TMF1: variants seen among roughly 807,000 people sequenced by gnomAD.
The protein encoded by TMF1 is TATA element modulatory factor 1, also known as TATA element modulatory factor.
In TMF1, 71 loss-of-function variants were observed where a neutral mutation model predicts 126.5. The observed-to-expected ratio is 0.56, with a 90% CI of 0.46 to 0.68. The LOEUF is 0.68. Among genes scored for constraint, TMF1 ranks in the 30% least tolerant of loss-of-function variants. The probability of loss-of-function intolerance (pLI) is 0.00; values close to 1 mark genes in which losing one functional copy is unlikely to be tolerated. For synonymous variants in TMF1, 461 were observed against 430.5 expected (o/e 1.07, Z -0.88); for missense variants, 1,259 against 1,253.2 (o/e 1.00, Z -0.07).
At chr3:69,051,817 G>T in intron 1 of TMF1, 128 bp downstream of exon 1, 2 of 1,153,226 alleles carry the variant, frequency 1.7e-6, no homozygotes, top group Non-Finnish European at 2.4e-6. Flanking sequence ...TAGGGAACGG[G>T]CCGGGGAGAA....
chr3:69,023,323 G>A lies in TMF1; in HGVS notation c.3139-3C>T, dbSNP rs752126049. The A allele has an allele frequency of 1.2e-6, 2 of 1,601,734 alleles. No homozygotes were observed. Among genetic ancestry groups the A allele is most frequent in the South Asian group, 2.3e-5 (2 of 88,544 alleles). ...GTGTTGTACCTTTGATCCAAATCCTGAAAAATGTATTTGTTTACAATTTTT... is the reference window on the plus strand; with the variant it reads ...GTGTTGTACCTTTGATCCAAATCCTAAAAAATGTATTTGTTTACAATTTTT... On this transcript the variant is annotated splice_polypyrimidine_tract_variant and splice_region_variant and intron_variant, in intron 16 of 16. Coordinates refer to ENST00000398559, the MANE Select transcript of TMF1 (RefSeq NM_007114.3).
chr3:69,021,148 C>G lies in TMF1; in HGVS notation c.*2029G>C, dbSNP rs960282486. 2 of 152,278 alleles carry G rather than the reference C, an allele frequency of 1.3e-5. No homozygotes were observed. The highest frequency in any genetic ancestry group is 4.8e-5 in the African/African-American group (2 of 41,432). 9.4% of individuals were successfully genotyped at this position (152,278 alleles called of 1,614,324 possible). A position where few individuals can be genotyped will look rare whatever the true frequency, so the allele number is the denominator to read the frequency against. ...TATCACATTTACATCACTTTTATTA[C>G]AGTGCACTGTTATAATTGTTCTATT... On this transcript the variant is annotated 3_prime_UTR_variant, in exon 17 of 17. Transcript: ENST00000398559.
intron 8 of TMF1, among the ~76,000 whole-genome samples, chr3:69,037,164 G>A (rs929940516): frequency 1.3e-5 from 2 of 152,170 alleles, no homozygotes; most frequent in African/African-American, 4.8e-5. Context: ...TGGCCAATAA[G>A]CAAATGAAAA....
chr3:69,042,637 C>G, intron 5 of TMF1, 170 bp downstream of exon 5: 1 of 704,366 alleles, frequency 1.4e-6, no homozygotes, highest in Non-Finnish European at 2.6e-6. Flanking sequence ...ATCTCTGTCT[C>G]AATATATCTT....
At chr3:69,028,657 T>G (rs558102752) in intron 11 of TMF1, among the ~76,000 whole-genome samples, 1 of 152,298 alleles carries the variant, frequency 6.6e-6, no homozygotes, top group South Asian at 2.1e-4. Flanking sequence ...TTCAGATATT[T>G]TACTTTAGAA....
chr3:69,024,327 TA>T (rs2091755044), intron 15 of TMF1, 147 bp from the exon 16 acceptor site: 2 of 657,574 alleles, frequency 3.0e-6, no homozygotes, highest in Non-Finnish European at 4.6e-6. Flanking sequence ...AGCTCTTTCT[TA>T]AGTAAAGGAA....
rs764282741 is a variant in TMF1, at chr3:69,039,013, T to C, written c.1828-4A>G. ...CCTCTTCTTTGCCATCAAGGACCTA[T>C]ATGTTATAAAAACAGACAAAAGTAT... On this transcript the variant is annotated splice_polypyrimidine_tract_variant and splice_region_variant and intron_variant, in intron 6 of 16. Transcript: ENST00000398559. 1.2e-5 allele frequency: 18 copies of C among 1,541,810 alleles called. No homozygotes were observed. In the African/African-American group the frequency reaches 1.7e-4, roughly 14 times the overall value.
chr3:69,040,817 G>A (rs932637379), intron 5 of TMF1, among the ~76,000 whole-genome samples: 1 of 151,968 alleles, frequency 6.6e-6, no homozygotes, highest in Non-Finnish European at 1.5e-5. Context: ...AGCTATTCGG[G>A]AGGCTGAGGC....
In TMF1 at chr3:69,025,615, A is replaced by G. The variant is rs1289466000; in HGVS notation, c.2957T>C (p.Ile986Thr). 4 of 1,614,064 alleles carry G rather than the reference A, an allele frequency of 2.5e-6. No homozygotes were observed. Among genetic ancestry groups the G allele is most frequent in the Admixed American group, 3.3e-5 (2 of 60,008 alleles). Residue 986 changes from isoleucine (I) to threonine (T), a missense_variant, in exon 15 of 17, where the codon ATT (isoleucine) becomes ACT (threonine). Ile to Thr is a moderately conservative substitution (Grantham distance 89). Coordinates refer to ENST00000398559, the MANE Select transcript of TMF1 (RefSeq NM_007114.3). The stretch of plus-strand genomic sequence containing the variant: ...CTTTAGCTGAGACTGTAGGTTTTCA[A>G]TTATGCTTGATCCTGCTCCCATCCT... ...AVRMGAGSSIIENLQSQLKLR... is the reference protein window; with the variant it reads ...AVRMGAGSSITENLQSQLKLR...
intron 8 of TMF1, among the ~76,000 whole-genome samples, chr3:69,036,716 CA>C (rs2091833323): frequency 6.6e-6 from 1 of 152,068 alleles, no homozygotes; most frequent in Non-Finnish European, 1.5e-5. Context: ...AAAATTAAAT[CA>C]AAAGGGCATA....
At chr3:69,039,790 T>C in intron 5 of TMF1, 97 bp from the exon 6 acceptor site, 1 of 1,375,086 alleles carries the variant, frequency 7.3e-7, no homozygotes, top group African/African-American at 1.5e-5. Flanking sequence ...GAACAGAATT[T>C]TTTTAAATTA....
chr3:69,025,150 T>A (rs569019981), intron 15 of TMF1: 1 of 156,616 alleles, frequency 6.4e-6, no homozygotes, highest in African/African-American at 2.4e-5. Flanking sequence ...TGGAACAACT[T>A]ATCTAAGAGG....
chr3:69,035,927 G>GCT (rs1465893011), intron 8 of TMF1, among the ~76,000 whole-genome samples: 12 of 151,938 alleles, frequency 7.9e-5, no homozygotes, highest in Non-Finnish European at 1.3e-4. Context: ...ACTCATATAT[G>GCT]CTCTATCTCC....
chr3:69,032,103 C>T (rs973262158), intron 10 of TMF1, among the ~76,000 whole-genome samples: 30 of 152,068 alleles, frequency 2.0e-4, no homozygotes, highest in Admixed American at 5.9e-4. Flanking sequence ...TTTCATGGAA[C>T]TCCAATTAAA....
rs769607190 is a variant in TMF1 at position 69,047,512 on chromosome 3, C to T, written c.1193G>A (p.Arg398Gln). The change falls in exon 2 of 17, where the codon CGA (arginine) becomes CAA (glutamine). Residue 398 changes from arginine to glutamine, a missense_variant. Transcript: ENST00000398559. ...TTCACAGTTAACAGGAGTTGCACTT[C>T]GTCCACTTTCTTCCATTTCTGCTTC... ...TEEAEMEESGRSATPVNCEQP... is the reference protein window; with the variant it reads ...TEEAEMEESGQSATPVNCEQP... 7.4e-6 allele frequency: 12 copies of T among 1,614,076 alleles called. No individual in the cohort carries two copies. The highest frequency in any genetic ancestry group is 1.3e-5 in the African/African-American group (1 of 74,940).
At chr3:69,043,921 T>C in intron 3 of TMF1, 45 bp from the exon 4 acceptor site, 1 of 1,516,488 alleles carries the variant, frequency 6.6e-7, no homozygotes, top group Non-Finnish European at 9.0e-7. Flanking sequence ...TGTCTATATA[T>C]CCCAAAGGTA....
rs1315764693 is a variant in TMF1, at chr3:69,030,210, A to G, written c.2402-203T>C. 3 of 452,160 alleles carry G rather than the reference A, an allele frequency of 6.6e-6. No individual in the cohort carries two copies. The East Asian group carries it at 1.0e-4, about 16-fold the overall frequency. 28.0% of individuals were successfully genotyped at this position (452,160 alleles called of 1,614,324 possible). ...TGCTTTATCACTCTTTTCCAAAAGT[A>G]TTTTAATTTCAAAATGGAGTCATGC... On this transcript the variant is annotated intron_variant, in intron 10 of 16. Transcript: ENST00000398559.
intron 3 of TMF1, 116 bp from the exon 4 acceptor site, chr3:69,043,992 A>G: frequency 1.3e-6 from 1 of 797,556 alleles, no homozygotes; most frequent in Non-Finnish European, 1.8e-6. Context: ...TTATTAAAAT[A>G]GAACAGTTTT....
intron 2 of TMF1, among the ~76,000 whole-genome samples, chr3:69,046,413 ACTC>A (rs1386933672): frequency 6.6e-6 from 1 of 152,188 alleles, no homozygotes; most frequent in African/African-American, 2.4e-5. Context: ...AAGAATTCAA[ACTC>A]CTATTATATA....
Sources: gnomAD v4.1 joint callset for allele counts (sites outside exome capture counted in the v4.1 genomes callset) on GRCh38, gnomAD v4.1.1 for gene constraint, MANE v1.5 for transcripts, NCBI Gene and HGNC (gene_info 2026-07-23, HGNC 2026-07-21) for gene names.